Variants in SLC37A1 observed in about 807,000 individuals in gnomAD.
The protein encoded by SLC37A1 is glucose-6-phosphate exchanger SLC37A1.
Under a neutral mutation model 75.3 loss-of-function variants are expected in SLC37A1, and 49 were observed. The observed-to-expected ratio is 0.65, with a 90% confidence interval of 0.52 to 0.83. SLC37A1 has a LOEUF of 0.83. SLC37A1 is among the 40% of genes least tolerant of loss of function. The pLI, the probability that SLC37A1 is intolerant of heterozygous loss-of-function variation, is 0.00. For synonymous variants in SLC37A1, 268 were observed against 292.1 expected, an observed-to-expected ratio of 0.92 and a Z score of 0.84; for missense variants, 566 against 695.0, an observed-to-expected ratio of 0.81 and a Z score of 2.09.
intron 17 of SLC37A1, among the ~76,000 whole-genome samples, chr21:42,570,798 C>T (rs1246598293): frequency 6.6e-6 from 1 of 152,118 alleles, no homozygotes; most frequent in East Asian, 1.9e-4. Context: ...GGGTGGAGAC[C>T]CTGCGTCTGT....
At chr21:42,503,364 C>T (rs1452556789) in intron 2 of SLC37A1, among the ~76,000 whole-genome samples, 1 of 151,592 alleles carries the variant, frequency 6.6e-6, no homozygotes, top group Non-Finnish European at 1.5e-5. Context: ...ATCCTCCTGC[C>T]TCAGCCTCCC....
chr21:42,569,988 G>GCCATGTCATGTGACACACGGCCTGA (rs2056086967), intron 17 of SLC37A1, among the ~76,000 whole-genome samples: 4 of 151,598 alleles, frequency 2.6e-5, no homozygotes, highest in African/African-American at 9.7e-5. Flanking sequence ...TTCTGGCCTT[G>GCCATGTCATGTGACACACGGCCTGA]TTCTGAGAAG....
chr21:42,515,157 C>T (rs2054499530), intron 1 of SLC37A1, among the ~76,000 whole-genome samples: 1 of 152,084 alleles, frequency 6.6e-6, no homozygotes, highest in South Asian at 2.1e-4. Flanking sequence ...CCTTGTACTT[C>T]AGCCAAGGGG....
intron 3 of SLC37A1, among the ~76,000 whole-genome samples, chr21:42,530,109 A>G (rs2054908945): frequency 1.3e-5 from 2 of 152,240 alleles, no homozygotes; most frequent in African/African-American, 4.8e-5. Context: ...ATAAATTATC[A>G]CAAGTCCGTA....
chr21:42,531,320 G>T (rs1378648741), intron 3 of SLC37A1, among the ~76,000 whole-genome samples: 1 of 79,368 alleles, frequency 1.3e-5, no homozygotes, highest in Middle Eastern at 0.011. Context: ...CTCCACCCGC[G>T]ATGGCATCTG....
chr21:42,562,591 G>A (rs2055858624), intron 12 of SLC37A1, among the ~76,000 whole-genome samples: 1 of 152,190 alleles, frequency 6.6e-6, no homozygotes, highest in Non-Finnish European at 1.5e-5. Flanking sequence ...TTTTGGCAGG[G>A]CCGACAGTTT....
Position 42,549,188 on chromosome 21 carries a change from G to A in SLC37A1, c.768+2048G>A, listed in dbSNP as rs181499581. ...GGGGAGAACTTCGCACACACCTTCC[G>A]CCCTGGAACACCTTCTGTCCTCTAA... On this transcript the variant is annotated intron_variant, in intron 9 of 19. Coordinates refer to ENST00000352133, the MANE Select transcript of SLC37A1 (RefSeq NM_001320537.2). 4.6e-3 allele frequency among the ~76,000 whole-genome samples: 705 copies of A among 152,264 alleles called. 6 individuals are homozygous for A. Among genetic ancestry groups the A allele is most frequent in the African/African-American group, 0.016 (646 of 41,540 alleles).
intron 3 of SLC37A1, among the ~76,000 whole-genome samples, chr21:42,528,015 A>T (rs2054846557): frequency 6.6e-6 from 1 of 152,238 alleles, no homozygotes; most frequent in Non-Finnish European, 1.5e-5. Context: ...TATAGCCTGC[A>T]TTTCCCAGAA....
intron 3 of SLC37A1, among the ~76,000 whole-genome samples, chr21:42,529,759 G>A (rs575005961): frequency 2.0e-5 from 3 of 152,238 alleles, no homozygotes; most frequent in South Asian, 2.1e-4. Flanking sequence ...CGAGTCTGCC[G>A]GTATTCCATA....
rs757299264 is a variant in SLC37A1 at position 42,565,901 on chromosome 21, T to C, written c.1270+26T>C. 86 of 1,607,800 alleles carry C rather than the reference T, an allele frequency of 5.3e-5. 1 individual carries two copies. In the South Asian group the frequency reaches 9.2e-4, roughly 17 times the overall value. ...GTGAGTATGGAGGCCTTCCTGCTTT[T>C]CTTCCACACACGTTTTTAAAGTTCA... On this transcript the variant is annotated intron_variant, in intron 15 of 19. Coordinates refer to ENST00000352133, the MANE Select transcript of SLC37A1 (RefSeq NM_001320537.2).
intron 13 of SLC37A1, 96 bp downstream of exon 13, chr21:42,563,973 G>T (rs1254471578): frequency 4.3e-6 from 6 of 1,400,814 alleles, no homozygotes; most frequent in African/African-American, 2.8e-5. Flanking sequence ...GGTTCCCCAA[G>T]GTCTCATATC....
chr21:42,527,399 C>T (rs773762690), intron 3 of SLC37A1, among the ~76,000 whole-genome samples: 6 of 152,154 alleles, frequency 3.9e-5, no homozygotes, highest in Non-Finnish European at 7.4e-5. Flanking sequence ...TCAAAGCCCC[C>T]GCCCCTGACT....
intron 3 of SLC37A1, among the ~76,000 whole-genome samples, chr21:42,530,655 C>CACACA (rs1491531929): frequency 1.1e-3 from 29 of 25,876 alleles, no homozygotes; most frequent in South Asian, 3.0e-3. Context: ...CACACACACA[C>CACACA]CCCCTCTGTG....
At chr21:42,532,596 C>T (rs928993910) in intron 3 of SLC37A1, among the ~76,000 whole-genome samples, 9 of 152,126 alleles carry the variant, frequency 5.9e-5, no homozygotes, top group African/African-American at 2.2e-4. Context: ...AACAAGGCGG[C>T]GGGTGAACAG....
chr21:42,570,873 T>C (rs2056143891), intron 17 of SLC37A1, among the ~76,000 whole-genome samples: 1 of 152,106 alleles, frequency 6.6e-6, no homozygotes, highest in Non-Finnish European at 1.5e-5. Context: ...CTGAATGCCT[T>C]TGGCCCCTCA....
At chr21:42,576,206 G>A (rs761763163) in intron 18 of SLC37A1, among the ~76,000 whole-genome samples, 15 of 151,946 alleles carry the variant, frequency 9.9e-5, no homozygotes, top group African/African-American at 2.7e-4. Flanking sequence ...CAGGACCCTC[G>A]AAGAGCCATG....
intron 2 of SLC37A1, among the ~76,000 whole-genome samples, chr21:42,505,180 G>A (rs918067570): frequency 3.9e-5 from 6 of 152,170 alleles, no homozygotes; most frequent in African/African-American, 1.4e-4. Flanking sequence ...TCTTTCAGTA[G>A]TGAAGTCCAG....
chr21:42,572,794 GTTC>G (rs35925985), intron 17 of SLC37A1, among the ~76,000 whole-genome samples: 72,447 of 151,408 alleles, frequency 0.48, 20,300 homozygotes, highest in Admixed American at 0.64. Context: ...CTCTGGGAAT[GTTC>G]TTCTCCTCCA....
rs556157099 is a variant in SLC37A1 at position 42,564,731 on chromosome 21, T to A, written c.1159T>A (p.Ser387Thr). ...IFGGILAGVI[S>T]DRLEKRASTC... ...AGGTGGGATCCTGGCAGGTGTGATC[T>A]CAGACCGACTGGAGAAAAGGGCCTC... The change falls in exon 14 of 20, where the codon TCA becomes ACA. Residue 387 changes from serine to threonine, a missense_variant. Ser to Thr is a moderately conservative substitution (Grantham distance 58). Coordinates refer to ENST00000352133, the MANE Select transcript of SLC37A1 (RefSeq NM_001320537.2). The A allele has an allele frequency of 1.6e-5, 25 of 1,610,882 alleles. No individual in the cohort carries two copies. The highest frequency in any genetic ancestry group is 2.1e-5 in the Non-Finnish European group (25 of 1,180,000).
Sources: allele counts gnomAD v4.1 joint callset (sites outside exome capture counted in the v4.1 genomes callset), GRCh38; gene constraint gnomAD v4.1.1; transcripts MANE v1.5; gene names NCBI Gene and HGNC (gene_info 2026-07-23, HGNC 2026-07-21).